TP63: variants seen among roughly 807,000 people sequenced by gnomAD.
TP63 encodes tumor protein p63.
A neutral mutation model predicts 82.8 loss-of-function variants in TP63; 17 were observed. The observed-to-expected ratio is 0.21, with a 90% CI of 0.14 to 0.31. The LOEUF (loss-of-function observed/expected upper bound fraction) is 0.31, where lower values mean the gene tolerates loss of function less well. Among genes scored for constraint, TP63 ranks in the 10% least tolerant of loss-of-function variants. The pLI, the probability that TP63 is intolerant of heterozygous loss-of-function variation, is 1.00. For missense variants in TP63, 648 were observed against 895.3 expected (o/e 0.72, Z 3.52); for synonymous variants, 330 against 321.7 (o/e 1.03, Z -0.28).
intron 4 of TP63, among the ~76,000 whole-genome samples, chr3:189,809,628 C>T (rs1727310968): frequency 1.3e-5 from 2 of 152,180 alleles, no homozygotes; most frequent in African/African-American, 2.4e-5. Context: ...ATTGTTTTGA[C>T]AGTTTTTTCC....
chr3:189,619,968 CAAA>C, the TP63 span, among the ~76,000 whole-genome samples: 1 of 151,998 alleles, frequency 6.6e-6, no homozygotes, highest in South Asian at 2.1e-4. Context: ...TTTGTGTACT[CAAA>C]GAAGCAGAGC....
Position 189,894,420 on chromosome 3 carries a change from C to G in TP63, c.1961C>G (p.Pro654Arg), listed in dbSNP as rs2108874519. The change falls in exon 14 of 14, where the codon CCC (proline) becomes CGC (arginine). Residue 654 changes from proline (P) to arginine (R), a missense_variant. Coordinates refer to ENST00000264731, the MANE Select transcript of TP63 (RefSeq NM_003722.5). The part of the protein sequence containing the change: ...FTLRQTISFP[P>R]RDEWNDFNFD... ...CTCCGCCAGACCATCTCTTTCCCAC[C>G]CCGAGATGAGTGGAATGACTTCAAC... is the stretch of plus-strand genomic sequence containing the variant. 6.2e-7 allele frequency: 1 copy of G among 1,614,082 alleles called. No homozygotes were observed. Among genetic ancestry groups the G allele is most frequent in the Non-Finnish European group, 8.5e-7 (1 of 1,180,000 alleles).
chr3:189,807,482 C>T lies in TP63; in HGVS notation c.325-790C>T, dbSNP rs145254233. Among the ~76,000 whole-genome samples the T allele has an allele frequency of 2.6e-5, 4 of 152,312 alleles. No individual in the cohort carries two copies. The East Asian group carries it at 7.7e-4, about 29-fold the overall frequency. On this transcript the variant is annotated intron_variant, in intron 3 of 13. Coordinates refer to ENST00000264731, the MANE Select transcript of TP63 (RefSeq NM_003722.5). ...TAAAAACGTTTGGCAGAAGGAAATA[C>T]ATGAGCTAATGTATTTTTGAATTAT...
At chr3:189,848,239 T>G (rs896786303) in intron 4 of TP63, among the ~76,000 whole-genome samples, 11 of 95,984 alleles carry the variant, frequency 1.1e-4, no homozygotes, top group African/African-American at 3.8e-4. Context: ...CTCCTCCTCC[T>G]TCTCTCTCTC....
chr3:189,658,802 C>A (rs1283372213), intron 1 of TP63, among the ~76,000 whole-genome samples: 1 of 151,864 alleles, frequency 6.6e-6, no homozygotes, highest in Non-Finnish European at 1.5e-5. Context: ...AGGAGATAAG[C>A]AAAACTAAGG....
At chr3:189,804,975 G>A (rs1039929466) in intron 3 of TP63, among the ~76,000 whole-genome samples, 2 of 152,202 alleles carry the variant, frequency 1.3e-5, no homozygotes, top group Non-Finnish European at 2.9e-5. Context: ...TGAGGATTTA[G>A]CATTGGTAAC....
At chr3:189,772,799 C>T (rs1036659759) in intron 3 of TP63, among the ~76,000 whole-genome samples, 2 of 152,142 alleles carry the variant, frequency 1.3e-5, no homozygotes, top group African/African-American at 4.8e-5. Flanking sequence ...TCAAATCCCC[C>T]CTTTGTAGTG....
intron 4 of TP63, among the ~76,000 whole-genome samples, chr3:189,847,345 G>C (rs895399882): frequency 6.6e-6 from 1 of 152,184 alleles, no homozygotes; most frequent in South Asian, 2.1e-4. Flanking sequence ...GTGACAGAGC[G>C]AAGCTCAGTC....
At chr3:189,889,981 C>T (rs1035173603) in intron 12 of TP63, among the ~76,000 whole-genome samples, 6 of 152,128 alleles carry the variant, frequency 3.9e-5, no homozygotes, top group African/African-American at 1.4e-4. Flanking sequence ...TACTACTCTG[C>T]CTATGGGAAA....
chr3:189,694,010 T>G (rs995869261), intron 1 of TP63, among the ~76,000 whole-genome samples: 1 of 152,222 alleles, frequency 6.6e-6, no homozygotes, highest in African/African-American at 2.4e-5. Context: ...TTATCTAAAC[T>G]ATCTGAGGTT....
At chr3:189,674,240 A>G (rs13067268) in intron 1 of TP63, among the ~76,000 whole-genome samples, 13,995 of 152,128 alleles carry the variant, frequency 0.092, 934 homozygotes, top group East Asian at 0.38. Context: ...ATGAGATAGC[A>G]TTGTTCCAGG....
chr3:189,701,760 A>C (rs1413239947), intron 1 of TP63, among the ~76,000 whole-genome samples: 2 of 151,820 alleles, frequency 1.3e-5, no homozygotes, highest in African/African-American at 4.8e-5. Context: ...TAGATAAGTG[A>C]CCTGGGATTG....
intron 13 of TP63, among the ~76,000 whole-genome samples, chr3:189,892,166 T>C (rs1370262609): frequency 1.3e-5 from 2 of 152,062 alleles, no homozygotes; most frequent in Admixed American, 6.6e-5. Flanking sequence ...TTTGAGAGAG[T>C]CTCCTGTAGT....
At chr3:189,729,095 T>A (rs113218159) in intron 1 of TP63, among the ~76,000 whole-genome samples, 5,308 of 152,254 alleles carry the variant, frequency 0.035, 200 homozygotes, top group Admixed American at 0.12. Context: ...CATTACATAG[T>A]CCTTTAAGTT....
chr3:189,748,866 C>G (rs966815215), intron 3 of TP63, among the ~76,000 whole-genome samples: 1 of 151,806 alleles, frequency 6.6e-6, no homozygotes, highest in African/African-American at 2.4e-5. Flanking sequence ...ATAGGAAATC[C>G]AAAATTAAAT....
chr3:189,780,783 A>G (rs1273855660), intron 3 of TP63, among the ~76,000 whole-genome samples: 1 of 152,070 alleles, frequency 6.6e-6, no homozygotes, highest in Non-Finnish European at 1.5e-5. Flanking sequence ...GTTTTAAGAA[A>G]CACTATGGTT....
At chr3:189,700,511 A>T (rs1441376105) in intron 1 of TP63, among the ~76,000 whole-genome samples, 1 of 152,212 alleles carries the variant, frequency 6.6e-6, no homozygotes, top group Non-Finnish European at 1.5e-5. Flanking sequence ...AATAAAGTAC[A>T]TGGTAATTTC....
At chr3:189,743,029 T>TA (rs374380992) in intron 3 of TP63, among the ~76,000 whole-genome samples, 1 of 152,018 alleles carries the variant, frequency 6.6e-6, no homozygotes, top group African/African-American at 2.4e-5. Flanking sequence ...ATTAAAAGAC[T>TA]AAAAAAATTG....
intron 1 of TP63, among the ~76,000 whole-genome samples, chr3:189,695,258 C>A (rs920593577): frequency 6.6e-6 from 1 of 152,110 alleles, no homozygotes; most frequent in Admixed American, 6.6e-5. Context: ...TTTATTTCCT[C>A]GCTCCATTGC....
Sources: gnomAD v4.1 joint callset for allele counts (sites outside exome capture counted in the v4.1 genomes callset) on GRCh38, gnomAD v4.1.1 for gene constraint, MANE v1.5 for transcripts, NCBI Gene and HGNC (gene_info 2026-07-23, HGNC 2026-07-21) for gene names.